ZNF724: variants seen among roughly 807,000 people sequenced by gnomAD.
The protein encoded by ZNF724 is zinc finger protein 724 pseudogene.
A neutral mutation model predicts 29.3 loss-of-function variants in ZNF724; 14 were observed. The observed-to-expected ratio is 0.48, with a 90% CI of 0.32 to 0.75. ZNF724 has a LOEUF of 0.75. Ranked by LOEUF, ZNF724 falls within the 30% of genes least tolerant of loss-of-function variation. ZNF724 has a pLI of 0.04. For synonymous variants in ZNF724, 180 were observed against 193.6 expected (o/e 0.93, Z 0.58); for missense variants, 557 against 571.2 (o/e 0.98, Z 0.25).
chr19:23,223,534 C>T lies in ZNF724; in HGVS notation c.711G>A (p.Lys237=). 4 of 739,328 alleles carry T rather than the reference C, an allele frequency of 5.4e-6. No homozygotes were observed. Among genetic ancestry groups the T allele is most frequent in the Non-Finnish European group, 1.0e-5 (4 of 398,010 alleles). 45.8% of individuals were successfully genotyped at this position (739,328 alleles called of 1,614,324 possible). ...TCTTATGTGTGTTAAGGTGTGAGGA[C>T]TTGTTAAAGGCTATGCCACATTCTT... ...KCEECGIAFN[K]SSHLNTHKII... Residue 237 remains lysine, a synonymous_variant, in exon 4 of 4, where the codon AAG becomes AAA. Transcript: ENST00000418100.
chr19:23,241,366 TAAG>T (rs1269614094), intron 1 of ZNF724, among the ~76,000 whole-genome samples: 4 of 152,166 alleles, frequency 2.6e-5, no homozygotes, highest in East Asian at 1.9e-4. Flanking sequence ...TACAAAAAAT[TAAG>T]AAGGGACTTC....
At chr19:23,225,800 T>TGGGC (rs1971816569) in intron 3 of ZNF724, among the ~76,000 whole-genome samples, 1 of 151,838 alleles carries the variant, frequency 6.6e-6, no homozygotes, top group South Asian at 2.1e-4. Flanking sequence ...GAGGGGAAAA[T>TGGGC]GGGCAGTTGT....
At chr19:23,244,112 G>GT (rs1292248305) in intron 1 of ZNF724, among the ~76,000 whole-genome samples, 2 of 152,114 alleles carry the variant, frequency 1.3e-5, no homozygotes, top group Non-Finnish European at 2.9e-5. Flanking sequence ...ACGGGTGGGG[G>GT]TAAGTGCAAT....
chr19:23,242,745 T>TAATAAC (rs1972151855), intron 1 of ZNF724: 1 of 127,240 alleles, frequency 7.9e-6, no homozygotes, highest in African/African-American at 3.0e-5. Flanking sequence ...ATAATAATAA[T>TAATAAC]AATAATAATA....
intron 3 of ZNF724, among the ~76,000 whole-genome samples, chr19:23,229,564 G>A (rs1041107277): frequency 2.0e-5 from 3 of 152,174 alleles, no homozygotes; most frequent in African/African-American, 7.2e-5. Context: ...CCTAGTGTCT[G>A]CCCTACAGAT....
chr19:23,250,331 G>C lies in ZNF724; in HGVS notation c.-89C>G. On this transcript the variant is annotated 5_prime_UTR_variant, in exon 1 of 4. Transcript: ENST00000418100. Reference sequence around the variant, plus strand: ...AGGGCCACAGAGGCTGGGCCTCTAAGAGCAGGGGACACAAAGCAGGGAAGA... The same window carrying C: ...AGGGCCACAGAGGCTGGGCCTCTAACAGCAGGGGACACAAAGCAGGGAAGA... The C allele has an allele frequency of 3.1e-5, 17 of 542,610 alleles. No homozygotes were observed. Among genetic ancestry groups the C allele is most frequent in the South Asian group, 2.4e-4 (17 of 71,178 alleles). The allele number at this position is 542,610 out of a possible 1,614,324, so 33.6% of individuals were successfully genotyped here. A position where few individuals can be genotyped will look rare whatever the true frequency, so the allele number is the denominator to read the frequency against.
rs572640552 is a variant in ZNF724, at chr19:23,240,429, A to G, written c.4-8136T>C. ...GTTTTGGTCGCACTCTGACCAAAAA[A>G]GGAGACAGTTTTAAACAAAATTATT... is the stretch of plus-strand genomic sequence containing the variant. On this transcript the variant is annotated intron_variant, in intron 1 of 3. Coordinates refer to ENST00000418100, the MANE Select transcript of ZNF724 (RefSeq NM_001355404.2). Among the ~76,000 whole-genome samples the G allele has an allele frequency of 8.7e-4, 132 of 152,266 alleles. 4 individuals carry two copies. The South Asian group carries it at 0.026, about 30-fold the overall frequency.
chr19:23,225,757 C>G (rs1340621586), intron 3 of ZNF724, among the ~76,000 whole-genome samples: 1 of 151,990 alleles, frequency 6.6e-6, no homozygotes, highest in African/African-American at 2.4e-5. Flanking sequence ...CTCATAAAAA[C>G]AAAGTAGAAG....
chr19:23,223,413 C>A lies in ZNF724; in HGVS notation c.832G>T (p.Gly278Ter). Reference protein sequence around the residue: ...HLTTHKIIHTGENAYKCKECG... With the variant: ...HLTTHKIIHT ...TCTTTACATTTGTAGGCATTCTCTC[C>A]AGTATGAATTATCTTATGTGTAGTA... The change falls in exon 4 of 4, where the codon GGA (glycine) becomes TGA (stop). Residue 278 changes from glycine to a stop codon, truncating the protein, a stop_gained. Transcript: ENST00000418100. LOFTEE classifies it high-confidence loss of function. 1.3e-6 allele frequency: 1 copy of A among 771,704 alleles called. No homozygotes were observed. The highest frequency in any genetic ancestry group is 1.7e-5 in the Admixed American group (1 of 57,522). The allele number at this position is 771,704 out of a possible 1,614,324, so 47.8% of individuals were successfully genotyped here. A position where few individuals can be genotyped will look rare whatever the true frequency, so the allele number is the denominator to read the frequency against.
chr19:23,248,458 TA>T, intron 1 of ZNF724, among the ~76,000 whole-genome samples: 1 of 151,908 alleles, frequency 6.6e-6, no homozygotes, highest in Non-Finnish European at 1.5e-5. Context: ...GGAACACACG[TA>T]AAAAATGCGG....
intron 1 of ZNF724, among the ~76,000 whole-genome samples, chr19:23,248,808 A>C (rs1326916443): frequency 1.3e-5 from 2 of 152,020 alleles, no homozygotes; most frequent in Non-Finnish European, 2.9e-5. Context: ...CAGCCTGGCC[A>C]ACATACTGAA....
At chr19:23,227,833 CATAT>C (rs1194160805) in intron 3 of ZNF724, among the ~76,000 whole-genome samples, 2 of 152,058 alleles carry the variant, frequency 1.3e-5, no homozygotes, top group East Asian at 1.9e-4. Flanking sequence ...TAAATTCTGA[CATAT>C]GTGTCAATCT....
chr19:23,243,475 CAAAAAAAA>C (rs61241201), intron 1 of ZNF724, among the ~76,000 whole-genome samples: 3 of 31,218 alleles, frequency 9.6e-5, no homozygotes, highest in African/African-American at 1.5e-4. Flanking sequence ...GAGTCCATCT[CAAAAAAAA>C]AAAAAAAAAA....
intron 1 of ZNF724, among the ~76,000 whole-genome samples, chr19:23,242,316 C>T (rs894851842): frequency 3.3e-5 from 5 of 152,218 alleles, no homozygotes; most frequent in Non-Finnish European, 5.9e-5. Context: ...TGATGACTCA[C>T]GCCTATAATC....
chr19:23,247,792 T>C (rs1972268368), intron 1 of ZNF724, among the ~76,000 whole-genome samples: 1 of 152,170 alleles, frequency 6.6e-6, no homozygotes, highest in Non-Finnish European at 1.5e-5. Flanking sequence ...AAATGGAAAA[T>C]GGCTTGGATA....
At chr19:23,231,874 C>T (rs933697542) in intron 2 of ZNF724, among the ~76,000 whole-genome samples, 1 of 152,056 alleles carries the variant, frequency 6.6e-6, no homozygotes, top group African/African-American at 2.4e-5. Flanking sequence ...GCTGGGACTA[C>T]AGGCGTGCAC....
In ZNF724 at chr19:23,222,425, G is replaced by T. The variant is rs758128019; in HGVS notation, c.1820C>A (p.Thr607Lys). The T allele has an allele frequency of 6.5e-6, 8 of 1,224,534 alleles. No homozygotes were observed. The highest frequency in any genetic ancestry group is 9.7e-6 in the Non-Finnish European group (8 of 829,014). The allele number at this position is 1,224,534 out of a possible 1,614,324, so 75.9% of individuals were successfully genotyped here. Residue 607 changes from threonine to lysine, a missense_variant, in exon 4 of 4, where the codon ACA becomes AAA. Thr to Lys is a moderately conservative substitution (Grantham distance 78). Around this residue, in one of 3 missense-constraint regions of ZNF724, gnomAD observed 170 missense variants for 220.7 expected, o/e 0.77. Transcript: ENST00000418100. Reference sequence around the variant, plus strand: ...TTCTACAGCATGAATTTTCTTGTGTGTAGTAAGGTTTGAGCATTGGTTAAA... The same window carrying T: ...TTCTACAGCATGAATTTTCTTGTGTTTAGTAAGGTTTGAGCATTGGTTAAA... ...KAFNQCSNLT[T>K]HKKIHAVEKS... is the part of the protein sequence containing the mutation.
rs182021127 is a variant in ZNF724 at position 23,246,537 on chromosome 19, C to T, written c.3+3703G>A. ...GGGCGTGGTGGCATGCACCTGTAAT[C>T]CCAGGTACGCTGGAGGCTGAGAGAG... On this transcript the variant is annotated intron_variant, in intron 1 of 3. Coordinates refer to ENST00000418100, the MANE Select transcript of ZNF724 (RefSeq NM_001355404.2). 6.1e-3 allele frequency among the ~76,000 whole-genome samples: 931 copies of T among 152,070 alleles called. 8 individuals are homozygous for T. Among genetic ancestry groups the T allele is most frequent in the Non-Finnish European group, 9.8e-3 (664 of 67,982 alleles).
chr19:23,222,654 C>T lies in ZNF724; in HGVS notation c.1591G>A (p.Glu531Lys), dbSNP rs1419285341. Residue 531 changes from glutamate (E) to lysine (K), a missense_variant, in exon 4 of 4, where the codon GAG (glutamate) becomes AAG (lysine). Around this residue, in one of 3 missense-constraint regions of ZNF724, gnomAD observed 170 missense variants for 220.7 expected, o/e 0.77. Coordinates refer to ENST00000418100, the MANE Select transcript of ZNF724 (RefSeq NM_001355404.2). ...CATTCTTCACATTTGTAGGGTTTCT[C>T]TCCAGCATGAATTATCTTATGTCTA... ...LARHKIIHAG[E>K]KPYKCEECGK... is the part of the protein sequence containing the mutation. The T allele has an allele frequency of 2.2e-6, 3 of 1,365,930 alleles. No individual in the cohort carries two copies. Among genetic ancestry groups the T allele is most frequent in the East Asian group, 2.3e-5 (1 of 43,278 alleles). 84.6% of individuals were successfully genotyped at this position (1,365,930 alleles called of 1,614,324 possible).
Sources: allele counts gnomAD v4.1 joint callset (sites outside exome capture counted in the v4.1 genomes callset), GRCh38; gene constraint gnomAD v4.1.1; regional missense constraint gnomAD v4.1.1; transcripts MANE v1.5; gene names NCBI Gene and HGNC (gene_info 2026-07-23, HGNC 2026-07-21).